The following FRAS1 variants were observed in gnomAD, a reference collection of about 807,000 sequenced individuals.
The protein encoded by FRAS1 is extracellular matrix organizing protein FRAS1.
Under a neutral mutation model 435.2 loss-of-function variants are expected in FRAS1, and 290 were observed. The observed-to-expected ratio is 0.67, with a 90% CI of 0.61 to 0.73. The LOEUF (loss-of-function observed/expected upper bound fraction) is 0.73. Among genes scored for constraint, FRAS1 ranks in the 30% least tolerant of loss-of-function variants. The pLI, the probability that FRAS1 is intolerant of heterozygous loss-of-function variation, is 0.00. For synonymous variants in FRAS1, 1,800 were observed against 1,851.0 expected (o/e 0.97, Z 0.71); for missense variants, 4,860 against 5,001.5 (o/e 0.97, Z 0.85).
Position 78,308,033 on chromosome 4 carries a change from A to G in FRAS1, c.1535-33A>G, listed in dbSNP as rs763258031. 3.8e-6 allele frequency: 6 copies of G among 1,571,066 alleles called. No homozygotes were observed. In the South Asian group the frequency reaches 5.9e-5, roughly 15 times the overall value. ...AATGATGACCAGTCCTTTCTGCCGT[A>G]GATTACTCACTGATTTTGCTATTCG... On this transcript the variant is annotated intron_variant, in intron 14 of 73. Coordinates refer to ENST00000512123, the MANE Select transcript of FRAS1 (RefSeq NM_025074.7).
At chr4:78,502,380 C>T (rs373675002) in intron 61 of FRAS1, among the ~76,000 whole-genome samples, 1 of 152,112 alleles carries the variant, frequency 6.6e-6, no homozygotes. Flanking sequence ...TTGTTTGTGT[C>T]CTCCTTTATT....
At chr4:78,164,589 T>G (rs1358805986) in intron 2 of FRAS1, among the ~76,000 whole-genome samples, 1 of 152,150 alleles carries the variant, frequency 6.6e-6, no homozygotes, top group Non-Finnish European at 1.5e-5. Context: ...AAGTCATTAC[T>G]ATATAACAGC....
chr4:78,256,391 C>T (rs1725797360), intron 6 of FRAS1, among the ~76,000 whole-genome samples: 1 of 152,154 alleles, frequency 6.6e-6, no homozygotes, highest in Non-Finnish European at 1.5e-5. Flanking sequence ...AATGCTCTTA[C>T]ATTTGGAGGA....
chr4:78,115,041 G>T (rs868803709), intron 2 of FRAS1, among the ~76,000 whole-genome samples: 2 of 152,122 alleles, frequency 1.3e-5, no homozygotes, highest in Middle Eastern at 3.4e-3. Flanking sequence ...TAGCATGAAG[G>T]ATTGTTGAAT....
intron 2 of FRAS1, among the ~76,000 whole-genome samples, chr4:78,201,593 C>T (rs1006334886): frequency 6.6e-6 from 1 of 152,180 alleles, no homozygotes; most frequent in Non-Finnish European, 1.5e-5. Context: ...CACCCCATAT[C>T]CACCCCTCTA....
chr4:78,224,983 A>C (rs1298314181), intron 2 of FRAS1, among the ~76,000 whole-genome samples: 1 of 152,198 alleles, frequency 6.6e-6, no homozygotes, highest in Non-Finnish European at 1.5e-5. Context: ...ACTGAAATGC[A>C]TGCAAAGGAA....
chr4:78,300,404 A>G (rs932912763), intron 14 of FRAS1, among the ~76,000 whole-genome samples: 1 of 152,208 alleles, frequency 6.6e-6, no homozygotes, highest in Non-Finnish European at 1.5e-5. Flanking sequence ...TGCCTTGTAC[A>G]GTTAACAAAA....
At chr4:78,381,038 A>G (rs1240789089) in intron 27 of FRAS1, among the ~76,000 whole-genome samples, 1 of 152,176 alleles carries the variant, frequency 6.6e-6, no homozygotes, top group Admixed American at 6.5e-5. Flanking sequence ...CCTTGAGAGT[A>G]TAGGTTATCT....
At chr4:78,336,070 T>C (rs779968191) in intron 19 of FRAS1, among the ~76,000 whole-genome samples, 2 of 152,202 alleles carry the variant, frequency 1.3e-5, no homozygotes, top group African/African-American at 4.8e-5. Flanking sequence ...ACTTATGACA[T>C]GTTTTTAAAA....
chr4:78,473,623 C>T, intron 53 of FRAS1, 26 bp downstream of exon 53: 1 of 1,534,664 alleles, frequency 6.5e-7, no homozygotes, highest in South Asian at 1.3e-5. Context: ...TGCTTTCCTT[C>T]TTGAGAAATC....
intron 1 of FRAS1, among the ~76,000 whole-genome samples, chr4:78,063,679 A>C (rs954324753): frequency 2.6e-5 from 4 of 152,142 alleles, no homozygotes; most frequent in African/African-American, 9.7e-5. Flanking sequence ...ATGGCTATCT[A>C]AACTTCCAAA....
At chr4:78,194,272 A>G (rs1041229609) in intron 2 of FRAS1, among the ~76,000 whole-genome samples, 2 of 152,200 alleles carry the variant, frequency 1.3e-5, no homozygotes, top group East Asian at 1.9e-4. Flanking sequence ...TTCTCGAGGA[A>G]TATCTTTGTG....
chr4:78,523,670 T>C (rs1216207951), intron 69 of FRAS1, among the ~76,000 whole-genome samples: 4 of 152,224 alleles, frequency 2.6e-5, no homozygotes, highest in African/African-American at 9.6e-5. Context: ...AAATTTTTGA[T>C]CTTATATCAG....
chr4:78,524,279 A>G (rs11731480), intron 69 of FRAS1, among the ~76,000 whole-genome samples: 21,237 of 152,266 alleles, frequency 0.14, 1,785 homozygotes, highest in Non-Finnish European at 0.2. Context: ...TTAGGAGCTT[A>G]CCTTTGAGGT....
intron 71 of FRAS1, among the ~76,000 whole-genome samples, chr4:78,535,148 C>T (rs1487956146): frequency 6.6e-6 from 1 of 152,150 alleles, no homozygotes; most frequent in Non-Finnish European, 1.5e-5. Flanking sequence ...CACCCGACAC[C>T]ATCTTGCCTC....
intron 29 of FRAS1, among the ~76,000 whole-genome samples, chr4:78,388,139 C>T (rs1339611965): frequency 6.6e-6 from 1 of 151,650 alleles, no homozygotes; most frequent in African/African-American, 2.4e-5. Context: ...TCCTGGCTAA[C>T]ACGGTGAAAC....
intron 1 of FRAS1, among the ~76,000 whole-genome samples, chr4:78,061,456 A>T (rs899483799): frequency 3.3e-5 from 5 of 152,172 alleles, no homozygotes; most frequent in Non-Finnish European, 7.3e-5. Flanking sequence ...GGAGGTTAAG[A>T]GAATTGAGCT....
chr4:78,202,193 T>G (rs1723075269), intron 2 of FRAS1, among the ~76,000 whole-genome samples: 1 of 152,210 alleles, frequency 6.6e-6, no homozygotes, highest in Admixed American at 6.5e-5. Context: ...CTAAATATCA[T>G]ATTGTCTTCA....
intron 12 of FRAS1, 113 bp downstream of exon 12, chr4:78,283,080 G>GGTTT (rs1348661265): frequency 1.3e-6 from 1 of 779,916 alleles, no homozygotes. Context: ...TTAACCAATG[G>GGTTT]GTTTGTTTGT....
Sources: allele counts gnomAD v4.1 joint callset (sites outside exome capture counted in the v4.1 genomes callset), GRCh38; gene constraint gnomAD v4.1.1; transcripts MANE v1.5; gene names NCBI Gene and HGNC (gene_info 2026-07-23, HGNC 2026-07-21).